TRIM29: variants seen among roughly 807,000 people sequenced by gnomAD.
The protein encoded by TRIM29 is tripartite motif-containing protein 29.
TRIM29 carries 52 observed loss-of-function variants against 57.3 expected under a neutral mutation model. The observed-to-expected ratio is 0.91, with a 90% CI of 0.73 to 1.14. TRIM29 has a LOEUF of 1.14. Ranked by LOEUF, TRIM29 falls within the 50% of genes most tolerant of loss-of-function variation. The pLI, the probability that TRIM29 is intolerant of heterozygous loss-of-function variation, is 0.00. For synonymous variants in TRIM29, 319 were observed against 316.9 expected, an observed-to-expected ratio of 1.01 and a Z score of -0.07; for missense variants, 753 against 774.6, an observed-to-expected ratio of 0.97 and a Z score of 0.33.
chr11:120,113,551 G>GCCTTTGGC (rs1212563904), intron 8 of TRIM29: 1 of 452,758 alleles, frequency 2.2e-6, no homozygotes, highest in Non-Finnish European at 4.4e-6. Context: ...AGGGTACACT[G>GCCTTTGGC]CCTTTGGCCC....
In TRIM29 at chr11:120,120,774, G is replaced by A. The variant is rs538463698; in HGVS notation, c.1436-109C>T. The stretch of plus-strand genomic sequence containing the variant: ...ATCACAGGACCTGGATTCCACCACT[G>A]AGAGAAGTCCTTTGGGTCTGACATA... On this transcript the variant is annotated intron_variant, in intron 5 of 8. Transcript: ENST00000341846. 8.0e-6 allele frequency: 7 copies of A among 870,380 alleles called. No homozygotes were observed. In the South Asian group the frequency reaches 8.5e-5, roughly 11 times the overall value. The allele number at this position is 870,380 out of a possible 1,614,324, so 53.9% of individuals were successfully genotyped here.
Position 120,127,526 on chromosome 11 carries a change from CG to C in TRIM29, c.943del (p.Arg315GlyfsTer14). 2 of 1,614,178 alleles carry C rather than the reference CG, an allele frequency of 1.2e-6. No homozygotes were observed. The highest frequency in any genetic ancestry group is 1.7e-6 in the Non-Finnish European group (2 of 1,180,020). On this transcript the variant is annotated frameshift_variant, in exon 3 of 9. Transcript: ENST00000341846. LOFTEE classifies it high-confidence loss of function. Reference sequence around the variant, plus strand: ...CTTCTCCAGGTCCCGCACCAGGTCCCGGAAGTTCTGCTCCAGGATGGCCTTC... The same window carrying C: ...CTTCTCCAGGTCCCGCACCAGGTCCCGAAGTTCTGCTCCAGGATGGCCTTC... ...NEKAILEQNF[R>X]DLVRDLEKQK...
chr11:120,135,716 C>A (rs1863802898), intron 1 of TRIM29, among the ~76,000 whole-genome samples: 2 of 152,150 alleles, frequency 1.3e-5, no homozygotes, highest in Admixed American at 1.3e-4. Context: ...CCCCTCTCTA[C>A]CTCAGCCCTT....
In TRIM29 at chr11:120,134,358, G is replaced by A. The variant is rs542177088; in HGVS notation, c.804+2870C>T. On this transcript the variant is annotated intron_variant, in intron 1 of 8. Coordinates refer to ENST00000341846, the MANE Select transcript of TRIM29 (RefSeq NM_012101.4). ...GCAGGTCTGAGGCTGTATCACCTGG[G>A]CCTTCACCACTGGCCTGCGGAACGG... Among the ~76,000 whole-genome samples, 15 of 152,296 alleles carry A rather than the reference G, an allele frequency of 9.8e-5. No individual in the cohort carries two copies. The South Asian group carries it at 3.1e-3, about 32-fold the overall frequency.
rs778946751 is a variant in TRIM29 at position 120,120,627 on chromosome 11, G to A, written c.1474C>T (p.Arg492Cys). 32 of 1,613,652 alleles carry A rather than the reference G, an allele frequency of 2.0e-5. No individual in the cohort carries two copies. In the Admixed American group the frequency reaches 2.2e-4, roughly 11 times the overall value. ...TTCTGGGTGGTCTCCTTGGTGAAGCGGCCAGGAGACGAGGGCTGGTATGAT... is the reference window on the plus strand; with the variant it reads ...TTCTGGGTGGTCTCCTTGGTGAAGCAGCCAGGAGACGAGGGCTGGTATGAT... The part of the protein sequence containing the change: ...RTSYQPSSPG[R>C]FTKETTQKNF... The change falls in exon 6 of 9, where the codon CGC becomes TGC. Residue 492 changes from arginine (R) to cysteine (C), a missense_variant. Arg to Cys is a radical substitution (Grantham distance 180, BLOSUM62 -3). Coordinates refer to ENST00000341846, the MANE Select transcript of TRIM29 (RefSeq NM_012101.4).
intron 3 of TRIM29, among the ~76,000 whole-genome samples, chr11:120,126,843 G>C (rs781352956): frequency 6.6e-6 from 1 of 152,210 alleles, no homozygotes; most frequent in Non-Finnish European, 1.5e-5. Flanking sequence ...GCAGTTGCTT[G>C]GAGGCAGAAA....
At chr11:120,128,673 G>T in intron 1 of TRIM29, 178 bp from the exon 2 acceptor site, 1 of 1,534,380 alleles carries the variant, frequency 6.5e-7, no homozygotes, top group African/African-American at 1.4e-5. Flanking sequence ...CACCATGCCA[G>T]TCGCCAAGGA....
At chr11:120,125,943 A>T in intron 3 of TRIM29, 54 bp from the exon 4 acceptor site, 2 of 1,570,336 alleles carry the variant, frequency 1.3e-6, no homozygotes. Flanking sequence ...AGCTATGAGG[A>T]CGCTTCTCTG....
At position 120,137,592 on chromosome 11, in the gene TRIM29, TC is replaced by T; in HGVS notation, c.439del (p.Glu147ArgfsTer112). The T allele has an allele frequency of 1.2e-6, 2 of 1,612,924 alleles. No homozygotes were observed. On this transcript the variant is annotated frameshift_variant, in exon 1 of 9. Coordinates refer to ENST00000341846, the MANE Select transcript of TRIM29 (RefSeq NM_012101.4). LOFTEE classifies it high-confidence loss of function. This position sits in a 1 kb window ranked among gnomAD's most constrained non-coding sequence, Gnocchi z 6.2. ...KPTVSIMEPG[E>X]TRRNSYPRAD... ...CCGGGGGTAGCTGTTCCGCCGGGTC[TC>T]CCCGGGCTCCATGATGGACACCGTG... is the stretch of plus-strand genomic sequence containing the variant.
Position 120,115,218 on chromosome 11 carries a change from TC to T in TRIM29, c.1704+119del. On this transcript the variant is annotated intron_variant, in intron 8 of 8. Transcript: ENST00000341846. ...TCAGGCCACTGCTGCCTCCTTCTCCTCCACCCCATGGCCCAGAGAAGTCCTC... is the reference window on the plus strand; with the variant it reads ...TCAGGCCACTGCTGCCTCCTTCTCCTCACCCCATGGCCCAGAGAAGTCCTC... 4 of 972,306 alleles carry T rather than the reference TC, an allele frequency of 4.1e-6. No individual in the cohort carries two copies. The South Asian group carries it at 5.7e-5, about 14-fold the overall frequency. The allele number at this position is 972,306 out of a possible 1,614,324, so 60.2% of individuals were successfully genotyped here.
intron 1 of TRIM29, among the ~76,000 whole-genome samples, chr11:120,129,095 G>A (rs146753780): frequency 9.8e-5 from 15 of 152,354 alleles, no homozygotes; most frequent in Admixed American, 3.9e-4. Flanking sequence ...GGGCTCTGGG[G>A]AAGGAGAAGG....
chr11:120,137,792 G>A lies in TRIM29; in HGVS notation c.240C>T (p.Ile80=), dbSNP rs1863851521. The A allele has an allele frequency of 6.2e-7, 1 of 1,612,320 alleles. No individual in the cohort carries two copies. The highest frequency in any genetic ancestry group is 8.5e-7 in the Non-Finnish European group (1 of 1,180,034). Residue 80 remains isoleucine (I), a synonymous_variant, in exon 1 of 9, where the codon ATC becomes ATT. Transcript: ENST00000341846. The surrounding 1 kb of genome is among the most constrained non-coding windows in gnomAD (Gnocchi z 6.2). ...TGTCGTCCCCGGACTCGACAAACTG[G>A]ATGATGGGTCGCCGCCACTCATTGC... The part of the protein sequence containing the change: ...FAGNEWRRPI[I]QFVESGDDKN...
rs747525437 is a variant in TRIM29, at chr11:120,118,246, C to A, written c.1604G>T (p.Gly535Val). 3 of 1,613,896 alleles carry A rather than the reference C, an allele frequency of 1.9e-6. No individual in the cohort carries two copies. Among genetic ancestry groups the A allele is most frequent in the African/African-American group, 2.7e-5 (2 of 74,916 alleles). Residue 535 changes from glycine (G) to valine (V), a missense_variant, in exon 7 of 9, where the codon GGC (glycine) becomes GTC (valine). Coordinates refer to ENST00000341846, the MANE Select transcript of TRIM29 (RefSeq NM_012101.4). Reference sequence around the variant, plus strand: ...ACCTTTCAGGGAGAAGGAGGAGCTGCCTTGGACGACGGGCAGGTCATTGTC... The same window carrying A: ...ACCTTTCAGGGAGAAGGAGGAGCTGACTTGGACGACGGGCAGGTCATTGTC... ...NSDNDLPVVQ[G>V]SSSFSLKGYP...
intron 7 of TRIM29, 103 bp from the exon 8 acceptor site, chr11:120,115,517 T>C: frequency 2.0e-6 from 2 of 1,004,916 alleles, no homozygotes; most frequent in East Asian, 2.5e-5. Context: ...CCACCAAGCA[T>C]CATCCAGCCC....
At position 120,138,061 on chromosome 11, in the gene TRIM29, C is replaced by T. The variant is rs567164239; in HGVS notation, c.-30G>A. On this transcript the variant is annotated 5_prime_UTR_variant, in exon 1 of 9. Transcript: ENST00000341846. ...GGGTGCTTGGCTGAGCTGTTTCAGG[C>T]TTGCTGGGGTTCAGGATAGGTGACC... 83 of 1,558,482 alleles carry T rather than the reference C, an allele frequency of 5.3e-5. 1 individual carries two copies. In the South Asian group the frequency reaches 9.5e-4, roughly 18 times the overall value.
In TRIM29 at chr11:120,137,457, G is replaced by A; in HGVS notation, c.575C>T (p.Ala192Val). Residue 192 changes from alanine to valine, a missense_variant, in exon 1 of 9, where the codon GCC (alanine) becomes GTC (valine). Physicochemically the swap from Ala to Val is moderately conservative, Grantham distance 64. Transcript: ENST00000341846. The surrounding 1 kb of genome is among the most constrained non-coding windows in gnomAD (Gnocchi z 6.2). ...CTTGAGATGCAGCTCGCAGAAGGAG[G>A]CCTGGCACACCAGGCAGGACTTGAC... ...KAVKSCLVCQ[A>V]SFCELHLKPH... 1.2e-6 allele frequency: 2 copies of A among 1,605,258 alleles called. No individual in the cohort carries two copies. Among genetic ancestry groups the A allele is most frequent in the Non-Finnish European group, 1.7e-6 (2 of 1,179,950 alleles).
chr11:120,128,304 G>A (rs756317892), intron 2 of TRIM29, 96 bp downstream of exon 2: 117 of 997,204 alleles, frequency 1.2e-4, no homozygotes, highest in Non-Finnish European at 1.6e-4. Flanking sequence ...GGATGTCTAC[G>A]TGGGCCTGGG....
Position 120,137,283 on chromosome 11 carries a change from T to C in TRIM29, c.749A>G (p.Gln250Arg). 6.2e-7 allele frequency: 1 copy of C among 1,614,164 alleles called. No homozygotes were observed. The highest frequency in any genetic ancestry group is 8.5e-7 in the Non-Finnish European group (1 of 1,180,032). Residue 250 changes from glutamine to arginine, a missense_variant, in exon 1 of 9, where the codon CAG becomes CGG. Coordinates refer to ENST00000341846, the MANE Select transcript of TRIM29 (RefSeq NM_012101.4). The surrounding 1 kb of genome is among the most constrained non-coding windows in gnomAD (Gnocchi z 6.2). Reference protein sequence around the residue: ...QTCICYLCMFQEHKNHSTVTV... With the variant: ...QTCICYLCMFREHKNHSTVTV... ...CACGGTGCTATGATTCTTGTGCTCCTGGAACATGCAAAGGTAGCAGATGCA... is the reference window on the plus strand; with the variant it reads ...CACGGTGCTATGATTCTTGTGCTCCCGGAACATGCAAAGGTAGCAGATGCA...
intron 6 of TRIM29, among the ~76,000 whole-genome samples, chr11:120,119,238 A>T (rs1271728626): frequency 6.6e-6 from 1 of 152,180 alleles, no homozygotes; most frequent in East Asian, 1.9e-4. Flanking sequence ...GGGGGCTCAG[A>T]GTCCCCATGG....
Sources: gnomAD v4.1 joint callset for allele counts (sites outside exome capture counted in the v4.1 genomes callset) on GRCh38, gnomAD v4.1.1 for gene constraint, Gnocchi (gnomAD v3.1) non-coding constraint, MANE v1.5 for transcripts, NCBI Gene and HGNC (gene_info 2026-07-23, HGNC 2026-07-21) for gene names.